PPARA: variants seen among roughly 807,000 people sequenced by gnomAD.
PPARA encodes peroxisome proliferator activated receptor alpha.
A neutral mutation model predicts 42.2 loss-of-function variants in PPARA; 22 were observed. The ratio of observed to expected loss-of-function variants is 0.52; its 90% CI spans 0.37 to 0.74. The LOEUF (loss-of-function observed/expected upper bound fraction) is 0.74, where lower values mean the gene tolerates loss of function less well. PPARA is among the 30% of genes least tolerant of loss of function. The pLI, the probability that PPARA is intolerant of heterozygous loss-of-function variation, is 0.00. For missense variants in PPARA, 465 were observed against 608.2 expected, an observed-to-expected ratio of 0.76 and a Z score of 2.48; for synonymous variants, 242 against 239.3, an observed-to-expected ratio of 1.01 and a Z score of -0.10.
chr22:46,213,416 T>G (rs1934125778), intron 4 of PPARA, among the ~76,000 whole-genome samples: 2 of 150,948 alleles, frequency 1.3e-5, no homozygotes, highest in African/African-American at 2.4e-5. Context: ...TTTTTTTTTT[T>G]TTTTCCTTTT....
intron 3 of PPARA, among the ~76,000 whole-genome samples, chr22:46,181,368 ACAGCTG>A (rs1196463290): frequency 6.6e-6 from 1 of 152,086 alleles, no homozygotes; most frequent in African/African-American, 2.4e-5. Flanking sequence ...GAGCTGCCCC[ACAGCTG>A]CAGCAGGCTG....
Position 46,196,336 on chromosome 22 carries a change from A to G in PPARA, c.-42-2006A>G, listed in dbSNP as rs1224696415. ...TCCACAAAGTATTCTTGACCATACA[A>G]TCATGGTCGAGGACCCCCTACATGA... is the stretch of plus-strand genomic sequence containing the variant. On this transcript the variant is annotated intron_variant, in intron 3 of 8. Coordinates refer to ENST00000407236, the MANE Select transcript of PPARA (RefSeq NM_005036.6). The surrounding 1 kb of genome is among the most constrained non-coding windows in gnomAD (Gnocchi z 5.6). Among the ~76,000 whole-genome samples, 2 of 152,202 alleles carry G rather than the reference A, an allele frequency of 1.3e-5. No individual in the cohort carries two copies. The highest frequency in any genetic ancestry group is 2.4e-5 in the African/African-American group (1 of 41,444).
intron 2 of PPARA, among the ~76,000 whole-genome samples, chr22:46,159,186 C>A (rs1317601335): frequency 8.0e-6 from 1 of 124,300 alleles, no homozygotes; most frequent in Non-Finnish European, 1.6e-5. Flanking sequence ...GCCACCACAC[C>A]TGGCTTCTGT....
chr22:46,208,899 CGT>C (rs35658961), intron 4 of PPARA, among the ~76,000 whole-genome samples: 30,307 of 148,668 alleles, frequency 0.2, 3,538 homozygotes, highest in Middle Eastern at 0.28. Flanking sequence ...GAATAGTATT[CGT>C]GTGTGTGTGT....
At position 46,161,390 on chromosome 22, in the gene PPARA, A is replaced by C. The variant is rs1926143305; in HGVS notation, c.-127+9420A>C. Among the ~76,000 whole-genome samples, 1 of 152,182 alleles carries C rather than the reference A, an allele frequency of 6.6e-6. No homozygotes were observed. Among genetic ancestry groups the C allele is most frequent in the South Asian group, 2.1e-4 (1 of 4,818 alleles). On this transcript the variant is annotated intron_variant, in intron 2 of 8. Coordinates refer to ENST00000407236, the MANE Select transcript of PPARA (RefSeq NM_005036.6). The surrounding 1 kb of genome is among the most constrained non-coding windows in gnomAD (Gnocchi z 4.8). ...AGTGGATCACGAGGTCAAGAGATCG[A>C]GACCAGCCTGGCCAACATGGTGAAA...
At chr22:46,220,455 CA>C in intron 7 of PPARA, 14 of 256,844 alleles carry the variant, frequency 5.5e-5, no homozygotes, top group South Asian at 2.1e-4. Context: ...GCTGGGACTA[CA>C]GGTGTGCACC....
At position 46,150,617 on chromosome 22, in the gene PPARA, G is replaced by T. The variant is rs993527524; in HGVS notation, c.-245G>T. On this transcript the variant is annotated 5_prime_UTR_variant, in exon 1 of 9. Coordinates refer to ENST00000407236, the MANE Select transcript of PPARA (RefSeq NM_005036.6). This position sits in a 1 kb window ranked among gnomAD's most constrained non-coding sequence, Gnocchi z 7.5. ...CCCGGCGCCGCCTCCTTCGGCGTTCGCCCCACGGACCGGCAGGCGGCGGAC... is the reference window on the plus strand; with the variant it reads ...CCCGGCGCCGCCTCCTTCGGCGTTCTCCCCACGGACCGGCAGGCGGCGGAC... 6 of 132,092 alleles carry T rather than the reference G, an allele frequency of 4.5e-5. No individual in the cohort carries two copies. The highest frequency in any genetic ancestry group is 8.1e-5 in the Non-Finnish European group (5 of 61,696). 8.2% of individuals were successfully genotyped at this position (132,092 alleles called of 1,614,324 possible). A position where few individuals can be genotyped will look rare whatever the true frequency, so the allele number is the denominator to read the frequency against.
At chr22:46,198,937 G>T (rs1240348717) in intron 4 of PPARA, among the ~76,000 whole-genome samples, 2 of 152,100 alleles carry the variant, frequency 1.3e-5, no homozygotes, top group Admixed American at 1.3e-4. Flanking sequence ...GGGATTATAG[G>T]CGTGAGCCAC....
rs1233967324 is a variant in PPARA, at chr22:46,232,855, A to C, written c.1159+616A>C. ...AAATTAGTCAAGTATGGTGGCATGT[A>C]CCTGTAGTCCCAGCTACTTGAGAGG... On this transcript the variant is annotated intron_variant, in intron 8 of 8. Transcript: ENST00000407236. The surrounding 1 kb of genome is among the most constrained non-coding windows in gnomAD (Gnocchi z 5.3). Among the ~76,000 whole-genome samples the C allele has an allele frequency of 6.7e-6, 1 of 150,228 alleles. No homozygotes were observed. Among genetic ancestry groups the C allele is most frequent in the Non-Finnish European group, 1.5e-5 (1 of 67,642 alleles).
Position 46,203,334 on chromosome 22 carries a change from T to C in PPARA, c.208+4743T>C, listed in dbSNP as rs184325951. ...ATATTAAATGCAGTACTTTAAACTT[T>C]ACACCCAGGAGACCGGATGGGTGAG... On this transcript the variant is annotated intron_variant, in intron 4 of 8. Coordinates refer to ENST00000407236, the MANE Select transcript of PPARA (RefSeq NM_005036.6). This position sits in a 1 kb window ranked among gnomAD's most constrained non-coding sequence, Gnocchi z 5.8. Among the ~76,000 whole-genome samples, 17 of 152,334 alleles carry C rather than the reference T, an allele frequency of 1.1e-4. No homozygotes were observed. Among genetic ancestry groups the C allele is most frequent in the Admixed American group, 3.3e-4 (5 of 15,294 alleles).
At position 46,224,859 on chromosome 22, in the gene PPARA, G is replaced by A. The variant is rs993451150; in HGVS notation, c.711+4845G>A. On this transcript the variant is annotated intron_variant, in intron 7 of 8. Coordinates refer to ENST00000407236, the MANE Select transcript of PPARA (RefSeq NM_005036.6). The surrounding 1 kb of genome is among the most constrained non-coding windows in gnomAD (Gnocchi z 5.7). ...GCCCTCTGGTTTGCTATAAGCGGGGGACTGAATTTCTCTTTGCAGTGGCCA... is the reference window on the plus strand; with the variant it reads ...GCCCTCTGGTTTGCTATAAGCGGGGAACTGAATTTCTCTTTGCAGTGGCCA... 1.5e-4 allele frequency among the ~76,000 whole-genome samples: 23 copies of A among 152,232 alleles called. No homozygotes were observed. Among genetic ancestry groups the A allele is most frequent in the African/African-American group, 5.5e-4 (23 of 41,532 alleles).
rs1275868374 is a variant in PPARA, at chr22:46,161,779, G to A, written c.-127+9809G>A. Among the ~76,000 whole-genome samples, 1 of 152,172 alleles carries A rather than the reference G, an allele frequency of 6.6e-6. No homozygotes were observed. Among genetic ancestry groups the A allele is most frequent in the East Asian group, 1.9e-4 (1 of 5,198 alleles). ...GTGGACTTTCCGACTGTGTGTGTGC[G>A]ACTTCCTCAGAGCCCTCAGTGGCGT... On this transcript the variant is annotated intron_variant, in intron 2 of 8. Coordinates refer to ENST00000407236, the MANE Select transcript of PPARA (RefSeq NM_005036.6). The surrounding 1 kb of genome is among the most constrained non-coding windows in gnomAD (Gnocchi z 4.8).
chr22:46,177,206 G>T (rs1424119192), intron 3 of PPARA, among the ~76,000 whole-genome samples: 1 of 147,986 alleles, frequency 6.8e-6, no homozygotes, highest in African/African-American at 2.5e-5. Flanking sequence ...GTGAGACCCT[G>T]TCTCAAAAAA....
intron 2 of PPARA, among the ~76,000 whole-genome samples, chr22:46,159,433 A>G (rs1925821891): frequency 6.6e-6 from 1 of 152,142 alleles, no homozygotes; most frequent in African/African-American, 2.4e-5. Flanking sequence ...CCACTTTGAC[A>G]ACTGTTACAG....
In PPARA at chr22:46,215,176, C is replaced by A; in HGVS notation, c.212C>A (p.Thr71Lys). ...CGTCTCTCCTCTTTTTCCCCAGACA[C>A]GCTTTCACCAGCTTCGAGCCCCTCC... ...PGSDGSVITD[T>K]LSPASSPSSV... The change falls in exon 5 of 9, where the codon ACG becomes AAG. Residue 71 changes from threonine (T) to lysine (K), a missense_variant. Physicochemically the swap from Thr to Lys is moderately conservative, Grantham distance 78 (BLOSUM62 -1). Around this residue, in one of 2 missense-constraint regions of PPARA, gnomAD observed 152 missense variants for 139.1 expected, o/e 1.09. Transcript: ENST00000407236. 1 of 1,613,848 alleles carries A rather than the reference C, an allele frequency of 6.2e-7. No individual in the cohort carries two copies. The highest frequency in any genetic ancestry group is 1.1e-5 in the South Asian group (1 of 91,068).
In PPARA at chr22:46,228,478, G is replaced by T. The variant is rs547229920; in HGVS notation, c.712-3314G>T. Reference sequence around the variant, plus strand: ...TCAAACCTGGGAGGTGGAGGTTGCAGTGAGTCGAGATCACGCCACTGCACT... The same window carrying T: ...TCAAACCTGGGAGGTGGAGGTTGCATTGAGTCGAGATCACGCCACTGCACT... On this transcript the variant is annotated intron_variant, in intron 7 of 8. Coordinates refer to ENST00000407236, the MANE Select transcript of PPARA (RefSeq NM_005036.6). Among the ~76,000 whole-genome samples the T allele has an allele frequency of 2.6e-5, 4 of 152,336 alleles. No homozygotes were observed. In the South Asian group the frequency reaches 6.2e-4, roughly 24 times the overall value.
rs1932196950 is a variant in PPARA at position 46,196,069 on chromosome 22, T to C, written c.-42-2273T>C. 6.6e-6 allele frequency among the ~76,000 whole-genome samples: 1 copy of C among 152,044 alleles called. No individual in the cohort carries two copies. The highest frequency in any genetic ancestry group is 2.4e-5 in the African/African-American group (1 of 41,402). On this transcript the variant is annotated intron_variant, in intron 3 of 8. Coordinates refer to ENST00000407236, the MANE Select transcript of PPARA (RefSeq NM_005036.6). This position sits in a 1 kb window ranked among gnomAD's most constrained non-coding sequence, Gnocchi z 5.6. ...GCGTTTCCAGGAGGTAGAAGAACAGTGACAAGTGCACAGTCGGGTAGGGAC... is the reference window on the plus strand; with the variant it reads ...GCGTTTCCAGGAGGTAGAAGAACAGCGACAAGTGCACAGTCGGGTAGGGAC...
Position 46,198,575 on chromosome 22 carries a change from T to C in PPARA, c.192T>C (p.Asp64=), listed in dbSNP as rs1275449728. ...ATTTAGGAAGCTGTCCTGGCTCAGA[T>C]GGCTCGGTCATCACGGGTAAGTGTG... ...YQYLGSCPGS[D]GSVITDTLSP... is the part of the protein sequence containing the mutation. Residue 64 remains aspartate, a synonymous_variant, in exon 4 of 9, where the codon GAT becomes GAC. Coordinates refer to ENST00000407236, the MANE Select transcript of PPARA (RefSeq NM_005036.6). 12 of 1,613,712 alleles carry C rather than the reference T, an allele frequency of 7.4e-6. No individual in the cohort carries two copies. Among genetic ancestry groups the C allele is most frequent in the African/African-American group, 2.7e-5 (2 of 74,910 alleles).
chr22:46,231,108 G>A lies in PPARA; in HGVS notation c.712-684G>A, dbSNP rs1047572248. ...TCTGTCGCCCAGACTGGAGACTGGA[G>A]TGCAGTGGCACGATCTTGGCTCACT... On this transcript the variant is annotated intron_variant, in intron 7 of 8. Coordinates refer to ENST00000407236, the MANE Select transcript of PPARA (RefSeq NM_005036.6). This position sits in a 1 kb window ranked among gnomAD's most constrained non-coding sequence, Gnocchi z 7.7. 1.3e-5 allele frequency among the ~76,000 whole-genome samples: 2 copies of A among 152,076 alleles called. No homozygotes were observed. Among genetic ancestry groups the A allele is most frequent in the African/African-American group, 4.8e-5 (2 of 41,418 alleles).
Sources: allele counts gnomAD v4.1 joint callset (sites outside exome capture counted in the v4.1 genomes callset), GRCh38; gene constraint gnomAD v4.1.1; regional missense constraint gnomAD v4.1.1; non-coding constraint Gnocchi (gnomAD v3.1); transcripts MANE v1.5; gene names NCBI Gene and HGNC (gene_info 2026-07-23, HGNC 2026-07-21).